CCDC102B: variants seen among roughly 807,000 people sequenced by gnomAD.
The protein encoded by CCDC102B is coiled-coil domain containing 102B.
Under a neutral mutation model 57.4 loss-of-function variants are expected in CCDC102B, and 75 were observed. The ratio of observed to expected loss-of-function variants is 1.31; its 90% CI spans 1.08 to 1.58. The LOEUF is 1.58. Ranked by LOEUF, CCDC102B falls within the 40% of genes most tolerant of loss-of-function variation. CCDC102B has a pLI of 0.00. For missense variants in CCDC102B, 636 were observed against 582.6 expected, an observed-to-expected ratio of 1.09 and a Z score of -0.94; for synonymous variants, 206 against 201.9, an observed-to-expected ratio of 1.02 and a Z score of -0.17.
chr18:68,998,999 TAGAGAGAGAGAGAG>T (rs60271182), intron 6 of CCDC102B, among the ~76,000 whole-genome samples: 486 of 43,288 alleles, frequency 0.011, 5 homozygotes, highest in South Asian at 0.03. Flanking sequence ...TATATATATA[TAGAGAGAGAGAGAG>T]AGAGAGAGAG....
At chr18:68,729,874 A>C (rs1198531126) in intron 2 of CCDC102B, among the ~76,000 whole-genome samples, 1 of 152,240 alleles carries the variant, frequency 6.6e-6, no homozygotes, top group Non-Finnish European at 1.5e-5. Context: ...CTAAGTAACT[A>C]CTATAAAAAG....
At chr18:68,745,598 A>C (rs773764694) in intron 2 of CCDC102B, among the ~76,000 whole-genome samples, 1 of 152,098 alleles carries the variant, frequency 6.6e-6, no homozygotes, top group Admixed American at 6.5e-5. Flanking sequence ...GAATATTAAA[A>C]ATCCTCTCTT....
Position 69,052,329 on chromosome 18 carries a change from C to G in CCDC102B, c.1435-1701C>G, listed in dbSNP as rs1051316066. 2.0e-5 allele frequency among the ~76,000 whole-genome samples: 3 copies of G among 151,766 alleles called. No individual in the cohort carries two copies. The South Asian group carries it at 6.2e-4, about 31-fold the overall frequency. ...AATGAAAATGTGATTAAACTGGATC[C>G]CTTCTAATTATTGAGTTAAATTGGT... On this transcript the variant is annotated intron_variant, in intron 7 of 7. Coordinates refer to ENST00000360242, the MANE Select transcript of CCDC102B (RefSeq NM_024781.3).
Position 68,814,091 on chromosome 18 carries a change from A to G in CCDC102B, c.-16+15910A>G, listed in dbSNP as rs78445573. ...AAAAAATGGAATTAATTTTCTGTAG[A>G]GTGAGAAGTATAAAAGGCTTTCTCT... On this transcript the variant is annotated intron_variant, in intron 1 of 7. Coordinates refer to ENST00000360242, the MANE Select transcript of CCDC102B (RefSeq NM_024781.3). Among the ~76,000 whole-genome samples, 196 of 152,300 alleles carry G rather than the reference A, an allele frequency of 1.3e-3. 1 individual carries two copies. The highest frequency in any genetic ancestry group is 4.5e-3 in the African/African-American group (187 of 41,588).
intron 6 of CCDC102B, among the ~76,000 whole-genome samples, chr18:68,991,882 A>G (rs2050877134): frequency 6.6e-6 from 1 of 152,206 alleles, no homozygotes; most frequent in South Asian, 2.1e-4. Flanking sequence ...TATTTAGCCT[A>G]CAACGTAAGA....
chr18:68,840,962 A>G (rs1176695459), intron 3 of CCDC102B, among the ~76,000 whole-genome samples: 1 of 152,210 alleles, frequency 6.6e-6, no homozygotes, highest in Admixed American at 6.5e-5. Context: ...ATAAGAGAAA[A>G]AAGGAAGCTT....
At chr18:68,773,327 G>T (rs1409514805) in intron 2 of CCDC102B, among the ~76,000 whole-genome samples, 4 of 151,984 alleles carry the variant, frequency 2.6e-5, no homozygotes, top group African/African-American at 7.2e-5. Context: ...GAAAGGAAAG[G>T]TTAATTTAAT....
intron 6 of CCDC102B, among the ~76,000 whole-genome samples, chr18:68,955,698 G>A (rs1168847194): frequency 6.6e-6 from 1 of 151,364 alleles, no homozygotes; most frequent in Non-Finnish European, 1.5e-5. Context: ...GTTTCCAAAC[G>A]TTGCTGATGA....
chr18:68,732,917 C>T (rs1459822722), intron 2 of CCDC102B, among the ~76,000 whole-genome samples: 3 of 152,030 alleles, frequency 2.0e-5, no homozygotes, highest in Non-Finnish European at 4.4e-5. Flanking sequence ...GATTCCTGGG[C>T]TGCGGACTTC....
At chr18:68,982,371 C>T (rs1002272755) in intron 6 of CCDC102B, among the ~76,000 whole-genome samples, 11 of 151,838 alleles carry the variant, frequency 7.2e-5, no homozygotes, top group Non-Finnish European at 1.5e-4. Context: ...CCACTCTACC[C>T]TTAACTATCC....
chr18:68,916,524 C>T (rs1224358352), intron 6 of CCDC102B, among the ~76,000 whole-genome samples: 1 of 152,134 alleles, frequency 6.6e-6, no homozygotes, highest in Non-Finnish European at 1.5e-5. Flanking sequence ...GCAGCTCTAG[C>T]TTCCAGGAAG....
At chr18:68,819,106 G>A (rs1188758726) in intron 1 of CCDC102B, among the ~76,000 whole-genome samples, 2 of 152,020 alleles carry the variant, frequency 1.3e-5, no homozygotes, top group African/African-American at 4.8e-5. Flanking sequence ...AAATTCATAG[G>A]TTTAATAAAA....
At chr18:68,956,932 G>C (rs935227937) in intron 6 of CCDC102B, among the ~76,000 whole-genome samples, 1 of 151,692 alleles carries the variant, frequency 6.6e-6, no homozygotes, top group Non-Finnish European at 1.5e-5. Context: ...GTCTTCTTTT[G>C]AGGAATGTCT....
intron 2 of CCDC102B, among the ~76,000 whole-genome samples, chr18:68,732,164 C>G (rs145278742): frequency 6.6e-6 from 1 of 151,536 alleles, no homozygotes; most frequent in African/African-American, 2.4e-5. Context: ...AATCTTCAAT[C>G]TCTTTCCTGT....
rs555684100 is a variant in CCDC102B, at chr18:68,897,087, G to T, written c.1054-132G>T. On this transcript the variant is annotated intron_variant, in intron 5 of 7. Transcript: ENST00000360242. ...TTTTTCTCATGTTTTCAAACAAATA[G>T]AATTTTCTTTTTAAAATTGTATCAG... The T allele has an allele frequency of 3.4e-4, 220 of 651,444 alleles. No individual in the cohort carries two copies. In the African/African-American group the frequency reaches 3.8e-3, roughly 11 times the overall value. 40.4% of individuals were successfully genotyped at this position (651,444 alleles called of 1,614,324 possible). A position where few individuals can be genotyped will look rare whatever the true frequency, so the allele number is the denominator to read the frequency against.
At chr18:68,926,359 T>C (rs944971855) in intron 6 of CCDC102B, among the ~76,000 whole-genome samples, 17 of 151,916 alleles carry the variant, frequency 1.1e-4, no homozygotes, top group Admixed American at 7.9e-4. Flanking sequence ...ATTATGTTTT[T>C]GCAGAAGCAT....
At chr18:68,864,816 C>T (rs2038906397) in intron 4 of CCDC102B, among the ~76,000 whole-genome samples, 1 of 152,032 alleles carries the variant, frequency 6.6e-6, no homozygotes, top group African/African-American at 2.4e-5. Flanking sequence ...TGCTCAAGAG[C>T]TGACTATTCT....
chr18:68,946,678 C>A (rs1042383348), intron 6 of CCDC102B, among the ~76,000 whole-genome samples: 3 of 151,948 alleles, frequency 2.0e-5, no homozygotes, highest in African/African-American at 7.2e-5. Context: ...TTTTGGGTAT[C>A]ATGGTGGTAA....
At chr18:68,868,896 C>T (rs778186577) in intron 4 of CCDC102B, among the ~76,000 whole-genome samples, 4 of 152,036 alleles carry the variant, frequency 2.6e-5, no homozygotes, top group Non-Finnish European at 5.9e-5. Flanking sequence ...AAATATTCCA[C>T]GTGTCCTGAG....
Sources: allele counts gnomAD v4.1 joint callset (sites outside exome capture counted in the v4.1 genomes callset), GRCh38; gene constraint gnomAD v4.1.1; transcripts MANE v1.5; gene names NCBI Gene and HGNC (gene_info 2026-07-23, HGNC 2026-07-21).